ROBO2: variants seen among roughly 807,000 people sequenced by gnomAD.
The protein encoded by ROBO2 is roundabout homolog 2.
In ROBO2, 53 loss-of-function variants were observed where a neutral mutation model predicts 160.8. That is an observed-to-expected ratio of 0.33 (90% CI 0.26 to 0.41). The LOEUF is 0.41. ROBO2 is among the 10% of genes least tolerant of loss of function. ROBO2 has a pLI of 1.00. For missense variants in ROBO2, 1,577 were observed against 1,722.4 expected, an observed-to-expected ratio of 0.92 and a Z score of 1.49; for synonymous variants, 664 against 611.7, an observed-to-expected ratio of 1.09 and a Z score of -1.26.
chr3:77,343,081 AG>A lies in ROBO2; in HGVS notation c.389-134332del, dbSNP rs1560578558. On this transcript the variant is annotated intron_variant, in intron 2 of 25. Coordinates refer to ENST00000461745, the Ensembl canonical transcript of ROBO2. The stretch of plus-strand genomic sequence containing the variant: ...TGGAGAGAGAGAGAGAGAGAGAGAG[AG>A]AGAGAACTTTCTTATAAGACCACAA... Among the ~76,000 whole-genome samples, 132 of 135,462 alleles carry A rather than the reference AG, an allele frequency of 9.7e-4. 1 individual carries two copies. In the East Asian group the frequency reaches 0.017, roughly 17 times the overall value. 88.9% of individuals were successfully genotyped at this position (135,462 alleles called of 152,430 possible). A position where few individuals can be genotyped will look rare whatever the true frequency, so the allele number is the denominator to read the frequency against.
chr3:76,350,045 A>G (rs1187762074), intron 2 of ROBO2, among the ~76,000 whole-genome samples: 1 of 152,048 alleles, frequency 6.6e-6, no homozygotes, highest in African/African-American at 2.4e-5. Context: ...TTTGAAACAA[A>G]TACCATCAGT....
intron 2 of ROBO2, among the ~76,000 whole-genome samples, chr3:76,749,345 G>A (rs2093942955): frequency 1.3e-5 from 2 of 151,856 alleles, no homozygotes; most frequent in African/African-American, 4.8e-5. Context: ...TTACTCAGAT[G>A]AGATTCAAGG....
At chr3:76,824,240 G>A (rs1383724084) in intron 2 of ROBO2, among the ~76,000 whole-genome samples, 1 of 152,164 alleles carries the variant, frequency 6.6e-6, no homozygotes, top group African/African-American at 2.4e-5. Context: ...TGTTCTTGTG[G>A]CCATACATAA....
At chr3:77,402,298 A>G (rs1316015503) in intron 2 of ROBO2, among the ~76,000 whole-genome samples, 1 of 152,018 alleles carries the variant, frequency 6.6e-6, no homozygotes, top group East Asian at 1.9e-4. Flanking sequence ...AGTGGGGTCT[A>G]GGGGAGGGAT....
intron 2 of ROBO2, among the ~76,000 whole-genome samples, chr3:77,356,642 C>T (rs1320042576): frequency 6.6e-6 from 1 of 151,966 alleles, no homozygotes; most frequent in Non-Finnish European, 1.5e-5. Flanking sequence ...GAAATGAAAA[C>T]GCAATTTATA....
chr3:76,936,139 A>T (rs1251928730), intron 2 of ROBO2, among the ~76,000 whole-genome samples: 1 of 152,190 alleles, frequency 6.6e-6, no homozygotes, highest in African/African-American at 2.4e-5. Flanking sequence ...TATTATGTTC[A>T]TATGGAAAGA....
rs144732050 is a variant in ROBO2 at position 77,429,780 on chromosome 3, T to G, written c.389-47634T>G. On this transcript the variant is annotated intron_variant, in intron 2 of 25. Coordinates refer to ENST00000461745, the Ensembl canonical transcript of ROBO2. The stretch of plus-strand genomic sequence containing the variant: ...TCTGTGATCTGCTGTGATCACAGAT[T>G]GTGATCAGTCTGCACCCCTTTCTCT... Among the ~76,000 whole-genome samples, 187 of 152,134 alleles carry G rather than the reference T, an allele frequency of 1.2e-3. 2 individuals carry two copies. The East Asian group carries it at 0.031, about 25-fold the overall frequency.
At chr3:76,081,097 G>T (rs1242502585) in intron 2 of ROBO2, among the ~76,000 whole-genome samples, 1 of 151,956 alleles carries the variant, frequency 6.6e-6, no homozygotes, top group African/African-American at 2.4e-5. Context: ...TACTTTGAGG[G>T]AAAATTCATG....
In ROBO2 at chr3:77,107,341, T is replaced by C. The variant is rs184336183; in HGVS notation, c.388+9001T>C. 3.9e-5 allele frequency among the ~76,000 whole-genome samples: 6 copies of C among 152,240 alleles called. No homozygotes were observed. The East Asian group carries it at 1.2e-3, about 29-fold the overall frequency. ...CAAGGGTTGTAAGAGAGGCAGGTGT[T>C]TGGATGCAATGACAGACAGGGCCTG... On this transcript the variant is annotated intron_variant, in intron 2 of 25. Transcript: ENST00000461745.
At chr3:76,976,436 C>T (rs981234459) in intron 2 of ROBO2, among the ~76,000 whole-genome samples, 2 of 152,128 alleles carry the variant, frequency 1.3e-5, no homozygotes, top group African/African-American at 4.8e-5. Context: ...AAGTTTTTTA[C>T]AAACCGTATT....
At chr3:76,878,296 A>T (rs17818956) in intron 2 of ROBO2, among the ~76,000 whole-genome samples, 8,423 of 152,266 alleles carry the variant, frequency 0.055, 287 homozygotes, top group South Asian at 0.15. Context: ...TTTTGGAAAG[A>T]CTCATAAGCA....
intron 2 of ROBO2, among the ~76,000 whole-genome samples, chr3:76,622,303 A>G (rs554702417): frequency 0.36 from 38,673 of 108,100 alleles, 9,743 homozygotes; most frequent in South Asian, 0.46. Context: ...AGAAAGAAAG[A>G]AAGAAAGAAA....
chr3:77,219,426 ATG>A (rs201692984), intron 2 of ROBO2, among the ~76,000 whole-genome samples: 3 of 98,486 alleles, frequency 3.0e-5, no homozygotes, highest in African/African-American at 8.4e-5. Flanking sequence ...GACTGTGTGT[ATG>A]TGTGTGTATA....
intron 2 of ROBO2, among the ~76,000 whole-genome samples, chr3:76,200,238 G>T (rs1222337289): frequency 1.3e-5 from 2 of 152,128 alleles, no homozygotes; most frequent in Non-Finnish European, 2.9e-5. Flanking sequence ...GCTTGGGTCT[G>T]GGGAAGGAGC....
At chr3:76,769,933 T>C (rs2061788557) in intron 2 of ROBO2, among the ~76,000 whole-genome samples, 1 of 151,480 alleles carries the variant, frequency 6.6e-6, no homozygotes, top group African/African-American at 2.4e-5. Flanking sequence ...GCAGTCTCTC[T>C]TAAATGACTA....
At chr3:76,426,594 G>T (rs2108978033) in intron 2 of ROBO2, among the ~76,000 whole-genome samples, 1 of 152,252 alleles carries the variant, frequency 6.6e-6, no homozygotes, top group East Asian at 1.9e-4. Context: ...GCAATTCAAA[G>T]AATTTTGAAA....
intron 2 of ROBO2, among the ~76,000 whole-genome samples, chr3:76,624,319 T>C (rs570902078): frequency 6.6e-6 from 1 of 152,270 alleles, no homozygotes; most frequent in South Asian, 2.1e-4. Context: ...GCTGAGTCCC[T>C]TCCGGGTCAA....
chr3:77,605,869 G>T (rs1387773264), intron 20 of ROBO2, among the ~76,000 whole-genome samples: 1 of 152,054 alleles, frequency 6.6e-6, no homozygotes, highest in East Asian at 1.9e-4. Context: ...AAAACGAAAA[G>T]CACTCTCTCT....
chr3:76,245,446 T>C (rs1705560385), intron 2 of ROBO2, among the ~76,000 whole-genome samples: 1 of 152,184 alleles, frequency 6.6e-6, no homozygotes, highest in Non-Finnish European at 1.5e-5. Flanking sequence ...CAAAAATACC[T>C]ACAGTGGAAG....
Sources: gnomAD v4.1 joint callset for allele counts (sites outside exome capture counted in the v4.1 genomes callset) on GRCh38, gnomAD v4.1.1 for gene constraint, MANE v1.5 for transcripts, NCBI Gene and HGNC (gene_info 2026-07-23, HGNC 2026-07-21) for gene names.